RHOBTB3: variants seen among roughly 807,000 people sequenced by gnomAD.
The protein encoded by RHOBTB3 is Rho related BTB domain containing 3.
A neutral mutation model predicts 67.2 loss-of-function variants in RHOBTB3; 47 were observed. The observed-to-expected ratio is 0.70, with a 90% CI of 0.55 to 0.89. The LOEUF (loss-of-function observed/expected upper bound fraction) is 0.89, where lower values mean the gene tolerates loss of function less well. RHOBTB3 is among the 40% of genes least tolerant of loss of function. The pLI is 0.00. For synonymous variants in RHOBTB3, 273 were observed against 274.2 expected (o/e 1.00, Z 0.04); for missense variants, 631 against 750.0 (o/e 0.84, Z 1.85).
chr5:95,764,425 C>G (rs1745484663), intron 7 of RHOBTB3, among the ~76,000 whole-genome samples: 1 of 152,144 alleles, frequency 6.6e-6, no homozygotes, highest in Non-Finnish European at 1.5e-5. Context: ...ATTATAGGTT[C>G]AAAATTATAA....
At chr5:95,730,655 T>G (rs1486946948), upstream of RHOBTB3, among the ~76,000 whole-genome samples, 1 of 152,158 alleles carries the variant, frequency 6.6e-6, no homozygotes, top group Non-Finnish European at 1.5e-5. Context: ...ATACATAACT[T>G]CCTTTAAAAA....
In RHOBTB3 at chr5:95,731,810, G is replaced by A. The variant is rs201841031; in HGVS notation, c.3-49G>A. 2.7e-4 allele frequency: 431 copies of A among 1,600,956 alleles called. 1 individual carries two copies. In the African/African-American group the frequency reaches 4.7e-3, roughly 17 times the overall value. ...CACTTCCTGTTCCGAGGAGAGACCC[G>A]CGCGCTGACCGTGCTTCCCTTCTCC... On this transcript the variant is annotated intron_variant, in intron 1 of 11. Transcript: ENST00000379982.
intron 8 of RHOBTB3, chr5:95,770,302 G>T: frequency 3.5e-6 from 1 of 282,968 alleles, no homozygotes; most frequent in South Asian, 5.0e-5. Context: ...AGCTGCTACT[G>T]AAGAAGACAT....
intron 1 of RHOBTB3, among the ~76,000 whole-genome samples, chr5:95,718,910 C>G (rs562631957): frequency 7.9e-5 from 12 of 152,284 alleles, no homozygotes; most frequent in African/African-American, 2.9e-4. Flanking sequence ...ATGATGGAAA[C>G]AGGGTAGAAG....
At chr5:95,774,374 C>G (rs559006888) in intron 8 of RHOBTB3, among the ~76,000 whole-genome samples, 47 of 152,306 alleles carry the variant, frequency 3.1e-4, no homozygotes, top group African/African-American at 1.1e-3. Context: ...ACTGTCTACT[C>G]AATTGTGTGT....
intron 11 of RHOBTB3, 119 bp downstream of exon 11, chr5:95,788,977 C>T: frequency 1.6e-6 from 1 of 631,018 alleles, no homozygotes; most frequent in Non-Finnish European, 2.6e-6. Context: ...TAATAAATTT[C>T]TTGTAAATTA....
chr5:95,769,443 A>G (rs1252806312), intron 8 of RHOBTB3: 3 of 218,450 alleles, frequency 1.4e-5, no homozygotes, highest in Non-Finnish European at 2.8e-5. Flanking sequence ...GATGTTAGCT[A>G]TTGATGCTCT....
Position 95,732,438 on chromosome 5 carries a change from C to G in RHOBTB3, c.228+354C>G. 5.9e-6 allele frequency: 3 copies of G among 511,820 alleles called. No homozygotes were observed. The South Asian group carries it at 9.1e-5, about 16-fold the overall frequency. The allele number at this position is 511,820 out of a possible 1,614,324, so 31.7% of individuals were successfully genotyped here. A position where few individuals can be genotyped will look rare whatever the true frequency, so the allele number is the denominator to read the frequency against. On this transcript the variant is annotated intron_variant, in intron 2 of 11. Transcript: ENST00000379982. ...AAAGCAGTGTTTTTTTATGTCTACC[C>G]TATGGGTGATAGTGTAATATTGGTG...
At chr5:95,749,887 T>G (rs781141223) in intron 4 of RHOBTB3, among the ~76,000 whole-genome samples, 1 of 152,162 alleles carries the variant, frequency 6.6e-6, no homozygotes, top group Non-Finnish European at 1.5e-5. Context: ...TCGCACTTTC[T>G]CTCCTCTCTT....
At chr5:95,784,155 G>T (rs2112834975) in intron 10 of RHOBTB3, among the ~76,000 whole-genome samples, 192 bp downstream of exon 10, 1 of 152,298 alleles carries the variant, frequency 6.6e-6, no homozygotes, top group Non-Finnish European at 1.5e-5. Context: ...TTTGTGTGCA[G>T]TCCCTTTTAT....
Position 95,737,057 on chromosome 5 carries a change from G to A in RHOBTB3, c.397G>A (p.Val133Ile), listed in dbSNP as rs1580395631. 6.3e-7 allele frequency: 1 copy of A among 1,586,138 alleles called. No individual in the cohort carries two copies. Among genetic ancestry groups the A allele is most frequent in the African/African-American group, 1.3e-5 (1 of 74,364 alleles). ...LNSVPVIIAA[V>I]GTRQNEELPC... ...TTCAGTTCCAGTAATTATTGCTGCTGTTGGTACCAGACAAAATGGTAAGTA... is the reference window on the plus strand; with the variant it reads ...TTCAGTTCCAGTAATTATTGCTGCTATTGGTACCAGACAAAATGGTAAGTA... Residue 133 changes from valine to isoleucine, a missense_variant, in exon 3 of 12, where the codon GTT becomes ATT. Val to Ile is a conservative substitution (Grantham distance 29). Coordinates refer to ENST00000379982, the MANE Select transcript of RHOBTB3 (RefSeq NM_014899.4).
intron 8 of RHOBTB3, among the ~76,000 whole-genome samples, chr5:95,772,639 A>AGGCATAATTCCTGGTCGCAGGAG (rs1288671776): frequency 1.3e-5 from 2 of 152,200 alleles, no homozygotes; most frequent in Non-Finnish European, 2.9e-5. Context: ...GTGAGAAGGA[A>AGGCATAATTCCTGGTCGCAGGAG]GGCATAATTC....
In RHOBTB3 at chr5:95,735,682, T is replaced by C. The variant is rs113285254; in HGVS notation, c.229-1207T>C. On this transcript the variant is annotated intron_variant, in intron 2 of 11. Coordinates refer to ENST00000379982, the MANE Select transcript of RHOBTB3 (RefSeq NM_014899.4). ...ACCAAAGGCCACATAAAAAGACAAA[T>C]GATTAATAGTTAACTAGAATGTGAG... 1.5e-3 allele frequency among the ~76,000 whole-genome samples: 232 copies of C among 152,284 alleles called. 2 individuals carry two copies. The highest frequency in any genetic ancestry group is 5.3e-3 in the African/African-American group (221 of 41,578).
At chr5:95,780,811 T>C (rs1032629582) in intron 9 of RHOBTB3, among the ~76,000 whole-genome samples, 1 of 152,184 alleles carries the variant, frequency 6.6e-6, no homozygotes, top group Admixed American at 6.5e-5. Context: ...GTTGCGCAAC[T>C]GCTTTGATGT....
chr5:95,769,959 G>C, intron 8 of RHOBTB3: 1 of 432,564 alleles, frequency 2.3e-6, no homozygotes, highest in South Asian at 1.8e-5. Context: ...GTTGACAATA[G>C]AAAGAACCAG....
Position 95,731,863 on chromosome 5 carries a change from A to G in RHOBTB3, c.7A>G (p.Ile3Val). ...TCGCCCCCTCTGTCCGTGCAGGTCC[A>G]TCCACATCGTGGCGCTGGGGAACGA... MSIHIVALGNEGD... is the reference protein window; with the variant it reads MSVHIVALGNEGD... The change falls in exon 2 of 12, where the codon ATC (isoleucine) becomes GTC (valine). Residue 3 changes from isoleucine (I) to valine (V), a missense_variant. Coordinates refer to ENST00000379982, the MANE Select transcript of RHOBTB3 (RefSeq NM_014899.4). The G allele has an allele frequency of 6.2e-7, 1 of 1,612,642 alleles. No homozygotes were observed. Among genetic ancestry groups the G allele is most frequent in the Non-Finnish European group, 8.5e-7 (1 of 1,179,020 alleles).
intron 8 of RHOBTB3, among the ~76,000 whole-genome samples, chr5:95,771,097 G>T (rs1164503883): frequency 6.6e-6 from 1 of 152,212 alleles, no homozygotes; most frequent in Non-Finnish European, 1.5e-5. Context: ...CAGCTTTTCT[G>T]TGGAGAGTAA....
chr5:95,731,528 C>T lies in RHOBTB3; in HGVS notation c.-155C>T. On this transcript the variant is annotated 5_prime_UTR_variant, in exon 1 of 12. Coordinates refer to ENST00000379982, the MANE Select transcript of RHOBTB3 (RefSeq NM_014899.4). ...CGCTCGCTGGCTGGCGCGGCCCCGGCCCCGCTCTGCGTCGGCCCCGCCGCG... is the reference window on the plus strand; with the variant it reads ...CGCTCGCTGGCTGGCGCGGCCCCGGTCCCGCTCTGCGTCGGCCCCGCCGCG... 1.5e-6 allele frequency: 2 copies of T among 1,348,674 alleles called. No homozygotes were observed. Among genetic ancestry groups the T allele is most frequent in the Non-Finnish European group, 1.9e-6 (2 of 1,054,894 alleles). 83.5% of individuals were successfully genotyped at this position (1,348,674 alleles called of 1,614,324 possible).
intron 10 of RHOBTB3, among the ~76,000 whole-genome samples, chr5:95,786,412 G>A (rs976291209): frequency 6.6e-6 from 1 of 152,138 alleles, no homozygotes; most frequent in African/African-American, 2.4e-5. Flanking sequence ...TGAGCAGTGT[G>A]GGTATTCTCT....
Sources: allele counts gnomAD v4.1 joint callset (sites outside exome capture counted in the v4.1 genomes callset), GRCh38; gene constraint gnomAD v4.1.1; transcripts MANE v1.5; gene names NCBI Gene and HGNC (gene_info 2026-07-23, HGNC 2026-07-21).